The following PARD3 variants were observed in gnomAD, a reference collection of about 807,000 sequenced individuals.
PARD3 encodes the protein par-3 family cell polarity regulator.
A neutral mutation model predicts 155.4 loss-of-function variants in PARD3; 75 were observed. That is an observed-to-expected ratio of 0.48 (90% confidence interval 0.40 to 0.58). The LOEUF (loss-of-function observed/expected upper bound fraction) is 0.58, where lower values mean the gene tolerates loss of function less well. Among genes scored for constraint, PARD3 ranks in the 20% least tolerant of loss-of-function variants. PARD3 has a pLI of 0.00. For synonymous variants in PARD3, 576 were observed against 610.5 expected (o/e 0.94, Z 0.83); for missense variants, 1,642 against 1,721.7 (o/e 0.95, Z 0.82).
At chr10:34,256,698 T>C (rs372164815) in intron 22 of PARD3, among the ~76,000 whole-genome samples, 1 of 151,680 alleles carries the variant, frequency 6.6e-6, no homozygotes, top group Non-Finnish European at 1.5e-5. Context: ...GTCTATGGAA[T>C]AGAACTAGTA....
chr10:34,694,387 A>G (rs2094126409), intron 2 of PARD3, among the ~76,000 whole-genome samples: 1 of 151,926 alleles, frequency 6.6e-6, no homozygotes, highest in Non-Finnish European at 1.5e-5. Context: ...AGTTACCCTA[A>G]GCCTGGCTCA....
chr10:34,600,622 C>A (rs2089681660), intron 2 of PARD3, among the ~76,000 whole-genome samples: 1 of 152,112 alleles, frequency 6.6e-6, no homozygotes, highest in African/African-American at 2.4e-5. Flanking sequence ...CACTAAGGAA[C>A]AGACTGAAAA....
chr10:34,129,676 C>CT (rs139162678), intron 23 of PARD3, among the ~76,000 whole-genome samples: 6 of 119,944 alleles, frequency 5.0e-5, no homozygotes, highest in South Asian at 5.1e-4. Flanking sequence ...TCAAATGTTC[C>CT]TTTTTTTTTG....
chr10:34,573,462 G>A (rs2086598666), intron 2 of PARD3, among the ~76,000 whole-genome samples: 1 of 152,062 alleles, frequency 6.6e-6, no homozygotes, highest in Non-Finnish European at 1.5e-5. Context: ...AGCACTTTGG[G>A]AGGCCAAGGT....
chr10:34,131,006 G>C (rs1332866941), intron 23 of PARD3, among the ~76,000 whole-genome samples: 1 of 152,128 alleles, frequency 6.6e-6, no homozygotes, highest in African/African-American at 2.4e-5. Flanking sequence ...GCTGCAGTAA[G>C]CTATGATCGC....
At chr10:34,291,088 T>C (rs1001220719) in intron 20 of PARD3, among the ~76,000 whole-genome samples, 1 of 152,208 alleles carries the variant, frequency 6.6e-6, no homozygotes, top group African/African-American at 2.4e-5. Flanking sequence ...AGAACTAACT[T>C]CCCTCAACCA....
At chr10:34,284,920 T>C (rs766431802) in intron 20 of PARD3, among the ~76,000 whole-genome samples, 2 of 152,218 alleles carry the variant, frequency 1.3e-5, no homozygotes, top group African/African-American at 2.4e-5. Context: ...AAACCCATTA[T>C]TGAAAAACAG....
chr10:34,312,448 T>C, intron 20 of PARD3: 1 of 1,540,158 alleles, frequency 6.5e-7, no homozygotes, highest in Admixed American at 1.7e-5. Context: ...GAATCTGTGT[T>C]TGTTCTTTTC....
intron 1 of PARD3, among the ~76,000 whole-genome samples, chr10:34,710,478 T>C (rs569564085): frequency 6.6e-6 from 1 of 152,338 alleles, no homozygotes; most frequent in East Asian, 1.9e-4. Flanking sequence ...AATTCACTTC[T>C]AGACCCCATC....
intron 1 of PARD3, among the ~76,000 whole-genome samples, chr10:34,721,096 A>T (rs1379979974): frequency 6.6e-6 from 1 of 152,186 alleles, no homozygotes; most frequent in Non-Finnish European, 1.5e-5. Context: ...GTTTGTTCTA[A>T]ATCTATATCA....
At chr10:34,483,395 TTG>T (rs1302471976) in intron 3 of PARD3, among the ~76,000 whole-genome samples, 1 of 150,568 alleles carries the variant, frequency 6.6e-6, no homozygotes, top group African/African-American at 2.5e-5. Context: ...GGCAGGATAA[TTG>T]CTTGAGCCTG....
intron 1 of PARD3, among the ~76,000 whole-genome samples, chr10:34,770,214 A>G (rs1416701417): frequency 6.6e-6 from 1 of 152,190 alleles, no homozygotes; most frequent in Non-Finnish European, 1.5e-5. Flanking sequence ...CTGTCCTTCT[A>G]TGAAGATCTA....
At chr10:34,467,850 T>C (rs2133047668) in intron 4 of PARD3, among the ~76,000 whole-genome samples, 1 of 152,328 alleles carries the variant, frequency 6.6e-6, no homozygotes, top group South Asian at 2.1e-4. Flanking sequence ...AACGTGTTCC[T>C]GTGCTGCAGA....
At chr10:34,290,517 T>C (rs779454294) in intron 20 of PARD3, among the ~76,000 whole-genome samples, 2 of 152,196 alleles carry the variant, frequency 1.3e-5, no homozygotes, top group African/African-American at 4.8e-5. Flanking sequence ...GAATTTAAAA[T>C]GAATCAAATA....
At chr10:34,117,709 C>T (rs1352563515) in intron 24 of PARD3, among the ~76,000 whole-genome samples, 1 of 152,076 alleles carries the variant, frequency 6.6e-6, no homozygotes, top group Non-Finnish European at 1.5e-5. Context: ...GCCAGGGGTT[C>T]GAAACCAGCC....
intron 2 of PARD3, among the ~76,000 whole-genome samples, chr10:34,562,685 C>T (rs569555601): frequency 1.3e-5 from 2 of 152,148 alleles, no homozygotes; most frequent in African/African-American, 4.8e-5. Context: ...CCAAATGATA[C>T]ACCATCATTA....
At chr10:34,812,333 C>T (rs4934669) in intron 1 of PARD3, among the ~76,000 whole-genome samples, 132,774 of 152,160 alleles carry the variant, frequency 0.87, 57,982 homozygotes, top group Middle Eastern at 0.93. Flanking sequence ...CAGATGGGAG[C>T]TCATCAAGCC....
intron 2 of PARD3, among the ~76,000 whole-genome samples, chr10:34,631,497 T>G (rs1354240226): frequency 3.3e-5 from 5 of 152,284 alleles, no homozygotes; most frequent in Admixed American, 6.5e-5. Context: ...CCCACTTCCT[T>G]ACCTACTGCC....
Position 34,636,202 on chromosome 10 carries a change from T to A in PARD3, c.222+60116A>T, listed in dbSNP as rs956152261. 2.6e-5 allele frequency among the ~76,000 whole-genome samples: 4 copies of A among 152,044 alleles called. No homozygotes were observed. The South Asian group carries it at 6.2e-4, about 24-fold the overall frequency. ...CATTTGCATGTGCCCAGGGCCCTCATCAGTTTAAACCAAACCAGGGCCAGC... is the reference window on the plus strand; with the variant it reads ...CATTTGCATGTGCCCAGGGCCCTCAACAGTTTAAACCAAACCAGGGCCAGC... On this transcript the variant is annotated intron_variant, in intron 2 of 24. Transcript: ENST00000374788.
Sources: gnomAD v4.1 joint callset for allele counts (sites outside exome capture counted in the v4.1 genomes callset) on GRCh38, gnomAD v4.1.1 for gene constraint, MANE v1.5 for transcripts, NCBI Gene and HGNC (gene_info 2026-07-23, HGNC 2026-07-21) for gene names.